TSFM: variants seen among roughly 807,000 people sequenced by gnomAD.
The protein encoded by TSFM is elongation factor Ts, mitochondrial.
Under a neutral mutation model 33.4 loss-of-function variants are expected in TSFM, and 29 were observed. That is an observed-to-expected ratio of 0.87 (90% CI 0.65 to 1.18). The LOEUF is 1.18. TSFM is among the 50% of genes most tolerant of loss of function. The pLI, the probability that TSFM is intolerant of heterozygous loss-of-function variation, is 0.00. For missense variants in TSFM, 394 were observed against 395.6 expected (o/e 1.00, Z 0.04); for synonymous variants, 178 against 163.5 (o/e 1.09, Z -0.68).
downstream of TSFM, chr12:57,799,805 G>T: frequency 6.2e-7 from 1 of 1,613,816 alleles, no homozygotes; most frequent in Non-Finnish European, 8.5e-7. Flanking sequence ...CTCCTTTTTG[G>T]CAGGGTTTAC....
rs780521077 is a variant in TSFM, at chr12:57,796,996, A to T, written c.*413A>T. 1.4e-5 allele frequency: 14 copies of T among 986,194 alleles called. No homozygotes were observed. Among genetic ancestry groups the T allele is most frequent in the Non-Finnish European group, 1.7e-5 (14 of 830,570 alleles). The allele number at this position is 986,194 out of a possible 1,614,324, so 61.1% of individuals were successfully genotyped here. On this transcript the variant is annotated 3_prime_UTR_variant, in exon 6 of 6. Coordinates refer to ENST00000652027, the MANE Select transcript of TSFM (RefSeq NM_005726.6). ...TCCCTAGTTATATTACTTGTGCCAC[A>T]TGGATTTCTTTAGGATTATTGATTC...
At chr12:57,798,263 A>G (rs929384694), downstream of TSFM, among the ~76,000 whole-genome samples, 2 of 152,248 alleles carry the variant, frequency 1.3e-5, no homozygotes, top group African/African-American at 4.8e-5. Flanking sequence ...CCAGAAGGCA[A>G]TAAATGGGTT....
At chr12:57,789,524 C>G (rs1227558354) in intron 4 of TSFM, among the ~76,000 whole-genome samples, 2 of 152,040 alleles carry the variant, frequency 1.3e-5, no homozygotes, top group Non-Finnish European at 2.9e-5. Context: ...TTACTACTTC[C>G]AGCTAATTTT....
intron 5 of TSFM, among the ~76,000 whole-genome samples, chr12:57,794,756 C>CTTTA (rs926900753): frequency 2.2e-4 from 33 of 152,152 alleles, no homozygotes; most frequent in African/African-American, 6.5e-4. Flanking sequence ...ATAGTTAATG[C>CTTTA]TTTATTTATT....
intron 5 of TSFM, among the ~76,000 whole-genome samples, chr12:57,793,930 C>T (rs1955697499): frequency 6.6e-6 from 1 of 152,138 alleles, no homozygotes; most frequent in South Asian, 2.1e-4. Context: ...TCTTTTAGAG[C>T]CTGTTGGCTA....
At chr12:57,794,709 A>G (rs1355065032) in intron 5 of TSFM, among the ~76,000 whole-genome samples, 1 of 152,214 alleles carries the variant, frequency 6.6e-6, no homozygotes, top group Non-Finnish European at 1.5e-5. Flanking sequence ...GCTTATTGTA[A>G]TAGTAGCTAG....
downstream of TSFM, chr12:57,799,904 G>T (rs771083612): frequency 6.2e-7 from 1 of 1,614,066 alleles, no homozygotes; most frequent in Non-Finnish European, 8.5e-7. Flanking sequence ...CAGGGAGAGG[G>T]TTGCATTCTT....
chr12:57,796,758 G>A lies in TSFM; in HGVS notation c.*175G>A. On this transcript the variant is annotated 3_prime_UTR_variant, in exon 6 of 6. Coordinates refer to ENST00000652027, the MANE Select transcript of TSFM (RefSeq NM_005726.6). Reference sequence around the variant, plus strand: ...GCGTAATACTGGATTTAGCTTTTCTGTGCCTTTCAAAAACAACAGGTGGGC... The same window carrying A: ...GCGTAATACTGGATTTAGCTTTTCTATGCCTTTCAAAAACAACAGGTGGGC... 8.2e-7 allele frequency: 1 copy of A among 1,223,476 alleles called. No homozygotes were observed. The highest frequency in any genetic ancestry group is 1.0e-6 in the Non-Finnish European group (1 of 983,210). The allele number at this position is 1,223,476 out of a possible 1,614,324, so 75.8% of individuals were successfully genotyped here. A position where few individuals can be genotyped will look rare whatever the true frequency, so the allele number is the denominator to read the frequency against.
At chr12:57,791,316 G>T (rs763684093) in intron 4 of TSFM, among the ~76,000 whole-genome samples, 5 of 152,056 alleles carry the variant, frequency 3.3e-5, no homozygotes, top group African/African-American at 4.8e-5. Flanking sequence ...GGCCGGCCAG[G>T]TTCAATTTTA....
intron 1 of TSFM, 91 bp from the exon 2 acceptor site, chr12:57,783,019 C>T: frequency 6.6e-7 from 1 of 1,515,784 alleles, no homozygotes; most frequent in Non-Finnish European, 8.9e-7. Context: ...TGCACACTGT[C>T]CGCTCCCTAA....
intron 1 of TSFM, 95 bp from the exon 2 acceptor site, chr12:57,783,015 C>G (rs552526072): frequency 1.3e-6 from 2 of 1,509,904 alleles, no homozygotes; most frequent in East Asian, 2.3e-5. Flanking sequence ...CCTTTGCACA[C>G]TGTCCGCTCC....
At chr12:57,800,038 ATCTT>A, downstream of TSFM, 14 of 1,328,048 alleles carry the variant, frequency 1.1e-5, no homozygotes, top group Non-Finnish European at 1.3e-5. Flanking sequence ...CTCTGTAATC[ATCTT>A]TGATAACAAT....
intron 4 of TSFM, among the ~76,000 whole-genome samples, chr12:57,789,483 C>G (rs1955634159): frequency 6.6e-6 from 1 of 152,154 alleles, no homozygotes; most frequent in African/African-American, 2.4e-5. Context: ...TATGCTTCAG[C>G]CTCCTGAGTA....
chr12:57,783,495 C>T (rs558158599), intron 2 of TSFM: 4 of 713,976 alleles, frequency 5.6e-6, no homozygotes, highest in African/African-American at 3.5e-5. Context: ...CAGACTGTTA[C>T]GGTGTTTCTT....
intron 4 of TSFM, among the ~76,000 whole-genome samples, chr12:57,792,271 A>C (rs2140423566): frequency 6.6e-6 from 1 of 152,320 alleles, no homozygotes; most frequent in Middle Eastern, 3.4e-3. Context: ...GTTCTTGGCC[A>C]GGTGCAGTGG....
chr12:57,801,154 C>T (rs61740317), downstream of TSFM: 26 of 1,613,426 alleles, frequency 1.6e-5, no homozygotes, highest in South Asian at 8.8e-5. Context: ...AGCAGTGATT[C>T]GCATGATAGC....
chr12:57,797,970 A>G, downstream of TSFM: 1 of 1,612,950 alleles, frequency 6.2e-7, no homozygotes, highest in Non-Finnish European at 8.5e-7. Flanking sequence ...AAACACAGAC[A>G]CAAAGTCCTG....
chr12:57,788,996 C>A (rs1362170995), intron 4 of TSFM, among the ~76,000 whole-genome samples: 1 of 140,434 alleles, frequency 7.1e-6, no homozygotes, highest in East Asian at 2.1e-4. Flanking sequence ...GATGGAGTCT[C>A]TCTGTCACCC....
downstream of TSFM, among the ~76,000 whole-genome samples, chr12:57,798,160 G>A (rs1355505250): frequency 6.6e-6 from 1 of 152,204 alleles, no homozygotes; most frequent in African/African-American, 2.4e-5. Flanking sequence ...TCATTGGAGA[G>A]GTGTTCTTCA....
Sources: allele counts gnomAD v4.1 joint callset (sites outside exome capture counted in the v4.1 genomes callset), GRCh38; gene constraint gnomAD v4.1.1; transcripts MANE v1.5; gene names NCBI Gene and HGNC (gene_info 2026-07-23, HGNC 2026-07-21).